Variants in EPAS1 observed in about 807,000 individuals in gnomAD.
EPAS1 encodes the protein endothelial PAS domain protein 1.
EPAS1 carries 23 observed loss-of-function variants against 87.9 expected under a neutral mutation model. The observed-to-expected ratio is 0.26, with a 90% CI of 0.19 to 0.37. The LOEUF (loss-of-function observed/expected upper bound fraction) is 0.37. Ranked by LOEUF, EPAS1 falls within the 10% of genes least tolerant of loss-of-function variation. The probability of loss-of-function intolerance (pLI) is 1.00; values close to 1 mark genes in which losing one functional copy is unlikely to be tolerated. For missense variants in EPAS1, 1,138 were observed against 1,120.7 expected (o/e 1.02, Z -0.22); for synonymous variants, 508 against 444.3 (o/e 1.14, Z -1.80).
Position 46,375,144 on chromosome 2 carries a change from T to C in EPAS1, c.887-546T>C, listed in dbSNP as rs1237681859. 6.8e-6 allele frequency among the ~76,000 whole-genome samples: 1 copy of C among 147,638 alleles called. No individual in the cohort carries two copies. The highest frequency in any genetic ancestry group is 2.5e-5 in the African/African-American group (1 of 40,124). On this transcript the variant is annotated intron_variant, in intron 7 of 15. Coordinates refer to ENST00000263734, the MANE Select transcript of EPAS1 (RefSeq NM_001430.5). The surrounding 1 kb of genome is among the most constrained non-coding windows in gnomAD (Gnocchi z 4.1). Reference sequence around the variant, plus strand: ...AGGATATCAATGTTTTAAATGCTTTTATTCATAAGCAGGGTATTGGTGGTG... The same window carrying C: ...AGGATATCAATGTTTTAAATGCTTTCATTCATAAGCAGGGTATTGGTGGTG...
At chr2:46,314,251 A>G (rs1683271153) in intron 1 of EPAS1, among the ~76,000 whole-genome samples, 1 of 152,220 alleles carries the variant, frequency 6.6e-6, no homozygotes, top group Non-Finnish European at 1.5e-5. Context: ...GGAAATACAC[A>G]AGAGAGTCCC....
chr2:46,362,040 A>G (rs4953360), intron 6 of EPAS1, among the ~76,000 whole-genome samples: 60,719 of 152,066 alleles, frequency 0.4, 12,754 homozygotes, highest in East Asian at 0.78. Context: ...GGCTTGAGTA[A>G]GCGCCACTGG....
intron 1 of EPAS1, among the ~76,000 whole-genome samples, chr2:46,344,769 G>C (rs1333205530): frequency 6.6e-6 from 1 of 152,174 alleles, no homozygotes; most frequent in Non-Finnish European, 1.5e-5. Context: ...GACATGACGA[G>C]AAAAATAGTT....
At chr2:46,310,958 G>A (rs538761375) in intron 1 of EPAS1, among the ~76,000 whole-genome samples, 11 of 152,236 alleles carry the variant, frequency 7.2e-5, no homozygotes, top group African/African-American at 2.6e-4. Context: ...CTCACTGCAA[G>A]CTCTGCCTCC....
chr2:46,380,082 T>G lies in EPAS1; in HGVS notation c.1555-145T>G, dbSNP rs1572648796. 1 of 1,337,218 alleles carries G rather than the reference T, an allele frequency of 7.5e-7. No homozygotes were observed. Among genetic ancestry groups the G allele is most frequent in the East Asian group, 2.3e-5 (1 of 43,588 alleles). The allele number at this position is 1,337,218 out of a possible 1,614,324, so 82.8% of individuals were successfully genotyped here. On this transcript the variant is annotated intron_variant, in intron 11 of 15. Transcript: ENST00000263734. This position sits in a 1 kb window ranked among gnomAD's most constrained non-coding sequence, Gnocchi z 4.4. ...ACAGCCAAGTCTGAGGTTTTCCTGA[T>G]AGGCCCTCGGGAGCCAGTGGAGGCG...
chr2:46,381,285 G>C (rs1017394947), intron 12 of EPAS1: 4 of 432,528 alleles, frequency 9.2e-6, no homozygotes, highest in African/African-American at 6.1e-5. Context: ...AGCCAAACTA[G>C]TTTTCAGTGG....
At chr2:46,374,288 C>T (rs973900258) in intron 7 of EPAS1, among the ~76,000 whole-genome samples, 1 of 152,144 alleles carries the variant, frequency 6.6e-6, no homozygotes, top group African/African-American at 2.4e-5. Context: ...CTACCGAGAG[C>T]CTGGATATCC....
intron 1 of EPAS1, among the ~76,000 whole-genome samples, chr2:46,327,686 T>A (rs1462595206): frequency 1.3e-5 from 2 of 152,220 alleles, no homozygotes; most frequent in African/African-American, 4.8e-5. Flanking sequence ...CCATATATCC[T>A]TGGATGACAA....
intron 1 of EPAS1, among the ~76,000 whole-genome samples, chr2:46,329,622 G>C (rs12620992): frequency 0.57 from 86,095 of 151,920 alleles, 25,044 homozygotes; most frequent in East Asian, 0.97. Context: ...AGGAGTCCGA[G>C]ACTAGCCTGG....
intron 4 of EPAS1, 38 bp downstream of exon 4, chr2:46,356,846 T>C: frequency 6.8e-7 from 1 of 1,469,594 alleles, no homozygotes; most frequent in East Asian, 2.3e-5. Context: ...TTGCCCCCAC[T>C]GGGTGGGAAT....
At chr2:46,340,913 G>A (rs1212802795) in intron 1 of EPAS1, among the ~76,000 whole-genome samples, 1 of 152,108 alleles carries the variant, frequency 6.6e-6, no homozygotes. Flanking sequence ...TAGAGATGGG[G>A]TCTTGCTGTG....
chr2:46,354,388 A>G (rs1684226756), intron 2 of EPAS1, among the ~76,000 whole-genome samples: 1 of 152,130 alleles, frequency 6.6e-6, no homozygotes, highest in Non-Finnish European at 1.5e-5. Flanking sequence ...CACTGGATAA[A>G]TACAAATTTT....
intron 1 of EPAS1, among the ~76,000 whole-genome samples, chr2:46,342,156 G>A (rs1355471740): frequency 6.6e-6 from 1 of 152,112 alleles, no homozygotes; most frequent in Non-Finnish European, 1.5e-5. Context: ...TGTTTTTTAA[G>A]GTTCCTCTGG....
At chr2:46,367,320 G>A (rs535666104) in intron 6 of EPAS1, among the ~76,000 whole-genome samples, 2 of 152,336 alleles carry the variant, frequency 1.3e-5, no homozygotes, top group African/African-American at 4.8e-5. Flanking sequence ...ATGCCAGTAG[G>A]CTCATTTTGG....
intron 1 of EPAS1, among the ~76,000 whole-genome samples, chr2:46,333,421 TGAG>T (rs1683726611): frequency 6.6e-6 from 1 of 151,888 alleles, no homozygotes. Flanking sequence ...CAGGCAGGAG[TGAG>T]GAGGAGACAC....
chr2:46,312,832 T>C (rs1389431834), intron 1 of EPAS1, among the ~76,000 whole-genome samples: 2 of 152,226 alleles, frequency 1.3e-5, no homozygotes, highest in Non-Finnish European at 2.9e-5. Context: ...TGACCAGTTA[T>C]GCTCCTTTCT....
At chr2:46,332,330 G>C in intron 1 of EPAS1, among the ~76,000 whole-genome samples, 1 of 135,900 alleles carries the variant, frequency 7.4e-6, no homozygotes, top group African/African-American at 3.0e-5. Flanking sequence ...GTGTGTGTGT[G>C]TGTATCAACT....
chr2:46,329,277 C>A (rs993728806), intron 1 of EPAS1, among the ~76,000 whole-genome samples: 1 of 152,134 alleles, frequency 6.6e-6, no homozygotes. Context: ...GTAGGAGGCA[C>A]CATTGCTAGA....
At position 46,376,619 on chromosome 2, in the gene EPAS1, G is replaced by C. The variant is rs747694540; in HGVS notation, c.1115G>C (p.Ser372Thr). 13 of 1,614,192 alleles carry C rather than the reference G, an allele frequency of 8.1e-6. No homozygotes were observed. Among genetic ancestry groups the C allele is most frequent in the African/African-American group, 1.3e-5 (1 of 75,030 alleles). ...AAGCCCCACCTGATGGCCATGAACA[G>C]CATCTTTGATAGCAGTGGCAAGGGG... The part of the protein sequence containing the change: ...LFKPHLMAMN[S>T]IFDSSGKGAV... Residue 372 changes from serine to threonine, a missense_variant, in exon 9 of 16, where the codon AGC becomes ACC. Ser to Thr is a moderately conservative substitution (Grantham distance 58). Transcript: ENST00000263734.
Sources: allele counts gnomAD v4.1 joint callset (sites outside exome capture counted in the v4.1 genomes callset), GRCh38; gene constraint gnomAD v4.1.1; non-coding constraint Gnocchi (gnomAD v3.1); transcripts MANE v1.5; gene names NCBI Gene and HGNC (gene_info 2026-07-23, HGNC 2026-07-21).